The following PI4K2B variants were observed in gnomAD, a reference collection of about 807,000 sequenced individuals.
PI4K2B encodes the protein phosphatidylinositol 4-kinase type 2-beta.
Under a neutral mutation model 56.6 loss-of-function variants are expected in PI4K2B, and 46 were observed. The observed-to-expected ratio is 0.81, with a 90% CI of 0.64 to 1.04. The LOEUF (loss-of-function observed/expected upper bound fraction) is 1.04, where lower values mean the gene tolerates loss of function less well. Ranked by LOEUF, PI4K2B falls within the 50% of genes least tolerant of loss-of-function variation. The pLI is 0.00. For synonymous variants in PI4K2B, 211 were observed against 223.8 expected (o/e 0.94, Z 0.51); for missense variants, 556 against 607.7 (o/e 0.91, Z 0.89).
At chr4:25,263,174 G>C (rs1716542422) in intron 6 of PI4K2B, among the ~76,000 whole-genome samples, 1 of 152,096 alleles carries the variant, frequency 6.6e-6, no homozygotes. Flanking sequence ...TGACACATAA[G>C]GATTACAGGG....
chr4:25,256,518 A>G (rs775859995), intron 3 of PI4K2B, 25 bp from the exon 4 acceptor site: 2 of 1,598,582 alleles, frequency 1.3e-6, no homozygotes, highest in Admixed American at 1.8e-5. Flanking sequence ...AATTCTAACC[A>G]TTTTTCTGAA....
intron 1 of PI4K2B, among the ~76,000 whole-genome samples, chr4:25,248,675 A>T (rs1330888533): frequency 6.6e-6 from 1 of 151,886 alleles, no homozygotes; most frequent in Non-Finnish European, 1.5e-5. Context: ...TAAAAGCTGT[A>T]TTCTGTTTTG....
intron 1 of PI4K2B, 48 bp downstream of exon 1, chr4:25,234,479 C>G: frequency 2.5e-6 from 3 of 1,210,600 alleles, no homozygotes; most frequent in Non-Finnish European, 3.1e-6. Flanking sequence ...GGGCGGCTGC[C>G]CCTGTCGCCC....
intron 9 of PI4K2B, among the ~76,000 whole-genome samples, chr4:25,274,217 C>T (rs1328349183): frequency 6.6e-6 from 1 of 152,048 alleles, no homozygotes; most frequent in Non-Finnish European, 1.5e-5. Flanking sequence ...AATTCTCAGG[C>T]CCACGGAAAT....
At chr4:25,263,427 C>T (rs1260198177) in intron 6 of PI4K2B, among the ~76,000 whole-genome samples, 1 of 151,976 alleles carries the variant, frequency 6.6e-6, no homozygotes, top group Non-Finnish European at 1.5e-5. Flanking sequence ...TACATTTAAG[C>T]AATGAATCTA....
chr4:25,239,003 A>G (rs1715395226), intron 1 of PI4K2B, among the ~76,000 whole-genome samples: 2 of 152,162 alleles, frequency 1.3e-5, no homozygotes, highest in South Asian at 2.1e-4. Context: ...ACAATCCCTG[A>G]GCTAGACACA....
chr4:25,259,199 G>T lies in PI4K2B; in HGVS notation c.910+9G>T. ...CATCATCAGAAATACAGGTATTGAAGTTCTCTCATTTGTTCACGTAAATCT... is the reference window on the plus strand; with the variant it reads ...CATCATCAGAAATACAGGTATTGAATTTCTCTCATTTGTTCACGTAAATCT... On this transcript the variant is annotated intron_variant, in intron 5 of 9. Transcript: ENST00000264864. The T allele has an allele frequency of 6.7e-7, 1 of 1,494,452 alleles. No individual in the cohort carries two copies. The highest frequency in any genetic ancestry group is 9.2e-7 in the Non-Finnish European group (1 of 1,084,176). 92.6% of individuals were successfully genotyped at this position (1,494,452 alleles called of 1,614,324 possible). A position where few individuals can be genotyped will look rare whatever the true frequency, so the allele number is the denominator to read the frequency against.
chr4:25,274,143 T>C (rs183611412), intron 9 of PI4K2B, among the ~76,000 whole-genome samples: 4 of 152,280 alleles, frequency 2.6e-5, no homozygotes, highest in Non-Finnish European at 4.4e-5. Context: ...TACATTGCTA[T>C]AGAGAGATAG....
intron 1 of PI4K2B, among the ~76,000 whole-genome samples, chr4:25,246,498 T>C (rs1577680383): frequency 6.6e-6 from 1 of 152,166 alleles, no homozygotes; most frequent in Non-Finnish European, 1.5e-5. Flanking sequence ...GTATTTACAA[T>C]CCCTTAGCTA....
chr4:25,237,011 C>A (rs1001610261), intron 1 of PI4K2B, among the ~76,000 whole-genome samples: 1 of 152,144 alleles, frequency 6.6e-6, no homozygotes, highest in African/African-American at 2.4e-5. Flanking sequence ...GAAATTCTTG[C>A]CTTTAGATTA....
intron 7 of PI4K2B, among the ~76,000 whole-genome samples, chr4:25,265,051 C>T (rs780602422): frequency 2.6e-5 from 4 of 151,444 alleles, no homozygotes; most frequent in Admixed American, 2.0e-4. Context: ...CAAAATTAGC[C>T]GGGTGTGGTG....
intron 1 of PI4K2B, among the ~76,000 whole-genome samples, chr4:25,245,769 G>A (rs919766766): frequency 2.0e-5 from 3 of 152,164 alleles, no homozygotes; most frequent in Admixed American, 6.5e-5. Context: ...ACTGCTCAGC[G>A]ATAGGCGATG....
intron 1 of PI4K2B, among the ~76,000 whole-genome samples, chr4:25,236,677 A>G (rs1715275788): frequency 6.6e-6 from 1 of 152,062 alleles, no homozygotes; most frequent in African/African-American, 2.4e-5. Context: ...TCAGAGGTAA[A>G]TGGTTTGCCC....
intron 1 of PI4K2B, 95 bp downstream of exon 1, chr4:25,234,526 G>T (rs1286105317): frequency 7.8e-6 from 7 of 901,042 alleles, no homozygotes; most frequent in African/African-American, 1.7e-5. Flanking sequence ...TGGCCGAGGT[G>T]GACGGGCTTT....
rs1002965845 is a variant in PI4K2B at position 25,278,524 on chromosome 4, T to C, written c.*1337T>C. 5.2e-5 allele frequency: 8 copies of C among 152,620 alleles called. No homozygotes were observed. Among genetic ancestry groups the C allele is most frequent in the African/African-American group, 1.9e-4 (8 of 41,454 alleles). 9.5% of individuals were successfully genotyped at this position (152,620 alleles called of 1,614,324 possible). ...ATGCAAAACAGATCTGCCATTCCTTTTTCCCTTATATCTTCCTTTTGGTCT... is the reference window on the plus strand; with the variant it reads ...ATGCAAAACAGATCTGCCATTCCTTCTTCCCTTATATCTTCCTTTTGGTCT... On this transcript the variant is annotated 3_prime_UTR_variant, in exon 10 of 10. Transcript: ENST00000264864.
chr4:25,267,818 C>T (rs2109022984), intron 7 of PI4K2B: 2 of 967,590 alleles, frequency 2.1e-6, no homozygotes, highest in South Asian at 4.8e-5. Context: ...AAATGACTCA[C>T]CCATTTACCT....
chr4:25,243,213 G>C (rs997286949), intron 1 of PI4K2B, among the ~76,000 whole-genome samples: 3 of 152,194 alleles, frequency 2.0e-5, no homozygotes, highest in Non-Finnish European at 1.5e-5. Context: ...CTTGCCCCGG[G>C]CACCCTCAGT....
chr4:25,273,540 C>G (rs942292962), intron 9 of PI4K2B, among the ~76,000 whole-genome samples: 1 of 152,148 alleles, frequency 6.6e-6, no homozygotes, highest in Non-Finnish European at 1.5e-5. Context: ...ACAGAGTAGT[C>G]TACGTTTTAG....
chr4:25,271,575 A>G (rs548506045), intron 9 of PI4K2B, among the ~76,000 whole-genome samples: 3 of 152,314 alleles, frequency 2.0e-5, no homozygotes, highest in Admixed American at 2.0e-4. Flanking sequence ...TTAGGTGATC[A>G]ATGATTATAA....
Sources: allele counts gnomAD v4.1 joint callset (sites outside exome capture counted in the v4.1 genomes callset), GRCh38; gene constraint gnomAD v4.1.1; transcripts MANE v1.5; gene names NCBI Gene and HGNC (gene_info 2026-07-23, HGNC 2026-07-21).